ADGRB1: variants seen among roughly 807,000 people sequenced by gnomAD.
The protein encoded by ADGRB1 is adhesion G protein-coupled receptor B1.
ADGRB1 carries 36 observed loss-of-function variants against 175.7 expected under a neutral mutation model. That is an observed-to-expected ratio of 0.20 (90% CI 0.16 to 0.27). The LOEUF is 0.27. Among genes scored for constraint, ADGRB1 ranks in the 10% least tolerant of loss-of-function variants. ADGRB1 has a pLI of 1.00. For synonymous variants in ADGRB1, 1,054 were observed against 979.4 expected (o/e 1.08, Z -1.42); for missense variants, 1,731 against 2,255.3 (o/e 0.77, Z 4.71).
chr8:142,543,716 G>A lies in ADGRB1; in HGVS notation c.4557+8G>A. ...CTGGGGCCGGACAGCAAGGTCTGGA[G>A]GGCAGGGAGGGGCGGGGTGGGGAGA... On this transcript the variant is annotated splice_region_variant and intron_variant, in intron 30 of 30. Coordinates refer to ENST00000517894, the MANE Select transcript of ADGRB1 (RefSeq NM_001702.3). The surrounding 1 kb of genome is among the most constrained non-coding windows in gnomAD (Gnocchi z 4.4). 6.5e-7 allele frequency: 1 copy of A among 1,549,016 alleles called. No homozygotes were observed. Among genetic ancestry groups the A allele is most frequent in the Non-Finnish European group, 8.7e-7 (1 of 1,144,748 alleles).
chr8:142,459,448 T>TG (rs1587244467), intron 1 of ADGRB1, among the ~76,000 whole-genome samples: 2 of 152,200 alleles, frequency 1.3e-5, no homozygotes, highest in Admixed American at 6.5e-5. Flanking sequence ...GTGGAGCCAT[T>TG]GTTGGCTCAG....
chr8:142,485,770 C>G (rs1361359129), intron 13 of ADGRB1, among the ~76,000 whole-genome samples: 1 of 152,210 alleles, frequency 6.6e-6, no homozygotes, highest in African/African-American at 2.4e-5. Flanking sequence ...CCGTGGTTAC[C>G]CCACATGCTT....
At position 142,464,691 on chromosome 8, in the gene ADGRB1, C is replaced by G; in HGVS notation, c.493C>G (p.Pro165Ala). ...GLRPRAGPPG[P>A]TDDFSVEYLV... ...CCGGCCCCGGGCCGGGCCGCCGGGC[C>G]CCACCGACGACTTCTCCGTGGAGTA... Residue 165 changes from proline (P) to alanine (A), a missense_variant, in exon 2 of 31, where the codon CCC becomes GCC. Coordinates refer to ENST00000517894, the MANE Select transcript of ADGRB1 (RefSeq NM_001702.3). 1 of 1,528,124 alleles carries G rather than the reference C, an allele frequency of 6.5e-7. No homozygotes were observed. The highest frequency in any genetic ancestry group is 2.5e-5 in the East Asian group (1 of 40,164). The allele number at this position is 1,528,124 out of a possible 1,614,324, so 94.7% of individuals were successfully genotyped here. A position where few individuals can be genotyped will look rare whatever the true frequency, so the allele number is the denominator to read the frequency against.
At chr8:142,525,177 G>T in intron 23 of ADGRB1, among the ~76,000 whole-genome samples, 1 of 152,008 alleles carries the variant, frequency 6.6e-6, no homozygotes, top group South Asian at 2.1e-4. Context: ...CCTACTGGGG[G>T]TTGGAGGGGC....
At position 142,453,042 on chromosome 8, in the gene ADGRB1, C is replaced by CCGCTCGCT. The variant is rs528898967; in HGVS notation, c.-220+2950_-220+2957dup. ...ACCTCCCTCCCGCCCGCCCGCCCGC[C>CCGCTCGCT]CGCTCGCTCGCTCGCTCGCCGTCCG... On this transcript the variant is annotated intron_variant, in intron 1 of 30. Coordinates refer to ENST00000517894, the MANE Select transcript of ADGRB1 (RefSeq NM_001702.3). Among the ~76,000 whole-genome samples the CCGCTCGCT allele has an allele frequency of 4.2e-5, 6 of 142,382 alleles. No homozygotes were observed. In the East Asian group the frequency reaches 6.4e-4, roughly 15 times the overall value. 93.4% of individuals were successfully genotyped at this position (142,382 alleles called of 152,430 possible). A position where few individuals can be genotyped will look rare whatever the true frequency, so the allele number is the denominator to read the frequency against.
rs1308676245 is a variant in ADGRB1 at position 142,490,811 on chromosome 8, G to A, written c.2671G>A (p.Asp891Asn). 13 of 1,583,094 alleles carry A rather than the reference G, an allele frequency of 8.2e-6. No individual in the cohort carries two copies. In the South Asian group the frequency reaches 1.4e-4, roughly 17 times the overall value. ...GACCTGTATCCTGTGGGATGAGACG[G>A]ATGTGTAAGTTCACTTGGATTTCAT... ...NQTCILWDET[D>N]VPSSSAPPQL... The change falls in exon 17 of 31, where the codon GAT (aspartate) becomes AAT (asparagine). Residue 891 changes from aspartate (D) to asparagine (N), a missense_variant. This residue lies in a region of ADGRB1 where 77 missense variants were observed against 71.6 expected (regional missense o/e 1.08). Coordinates refer to ENST00000517894, the MANE Select transcript of ADGRB1 (RefSeq NM_001702.3).
intron 24 of ADGRB1, 40 bp downstream of exon 24, chr8:142,526,667 G>A (rs767695129): frequency 1.9e-6 from 3 of 1,571,986 alleles, no homozygotes; most frequent in African/African-American, 1.3e-5. Flanking sequence ...CACCCGGAGT[G>A]CAAGACCCAG....
chr8:142,519,628 T>C (rs1418478258), intron 19 of ADGRB1, among the ~76,000 whole-genome samples: 1 of 151,204 alleles, frequency 6.6e-6, no homozygotes, highest in African/African-American at 2.4e-5. Context: ...GTGATGGTGG[T>C]GGTGGTGCTG....
Position 142,481,599 on chromosome 8 carries a change from C to G in ADGRB1, c.2018C>G (p.Ser673Cys). 6.2e-7 allele frequency: 1 copy of G among 1,603,996 alleles called. No individual in the cohort carries two copies. The highest frequency in any genetic ancestry group is 8.5e-7 in the Non-Finnish European group (1 of 1,175,488). The stretch of plus-strand genomic sequence containing the variant: ...GTCATCCAGACACTGGTGGAGATCT[C>G]TCAGGACGGGACCAGCTACAGTGGG... ...SEVIQTLVEI[S>C]QDGTSYSGDL... Residue 673 changes from serine (S) to cysteine (C), a missense_variant, in exon 11 of 31, where the codon TCT becomes TGT. Coordinates refer to ENST00000517894, the MANE Select transcript of ADGRB1 (RefSeq NM_001702.3).
intron 12 of ADGRB1, 46 bp from the exon 13 acceptor site, chr8:142,484,610 G>A: frequency 6.5e-7 from 1 of 1,541,490 alleles, no homozygotes; most frequent in Non-Finnish European, 8.8e-7. Flanking sequence ...GGGGCTAAGG[G>A]ACAGTGGGGC....
intron 14 of ADGRB1, 98 bp downstream of exon 14, chr8:142,488,605 G>A: frequency 1.3e-6 from 2 of 1,490,480 alleles, no homozygotes; most frequent in Non-Finnish European, 1.8e-6. Context: ...CTGCCTCAGA[G>A]TTGGGCGGTT....
chr8:142,453,221 G>T (rs897200635), intron 1 of ADGRB1, among the ~76,000 whole-genome samples: 3 of 152,190 alleles, frequency 2.0e-5, no homozygotes, highest in African/African-American at 7.2e-5. Flanking sequence ...GCCCGTCCGG[G>T]AGGCTGGGGG....
At chr8:142,507,016 GC>G (rs1340767435) in intron 17 of ADGRB1, among the ~76,000 whole-genome samples, 1 of 152,208 alleles carries the variant, frequency 6.6e-6, no homozygotes, top group African/African-American at 2.4e-5. Context: ...GTGGGAGGGG[GC>G]AGGCAGCCAG....
intron 14 of ADGRB1, 51 bp from the exon 15 acceptor site, chr8:142,488,984 A>G: frequency 1.3e-6 from 2 of 1,587,896 alleles, no homozygotes; most frequent in African/African-American, 1.3e-5. Context: ...GCCAAGTCCC[A>G]CCCTGGCTGT....
At chr8:142,461,435 C>G (rs986224674) in intron 1 of ADGRB1, among the ~76,000 whole-genome samples, 2 of 152,234 alleles carry the variant, frequency 1.3e-5, no homozygotes, top group Non-Finnish European at 2.9e-5. Context: ...CACGGCGTTG[C>G]GGACACCAGC....
chr8:142,457,746 G>A (rs184424262), intron 1 of ADGRB1, among the ~76,000 whole-genome samples: 5 of 152,266 alleles, frequency 3.3e-5, no homozygotes, highest in African/African-American at 9.6e-5. Flanking sequence ...AGGCTATCTC[G>A]GCACCCCCTC....
chr8:142,464,095 C>T lies in ADGRB1; in HGVS notation c.-104C>T, dbSNP rs892879022. On this transcript the variant is annotated 5_prime_UTR_variant, in exon 2 of 31. Coordinates refer to ENST00000517894, the MANE Select transcript of ADGRB1 (RefSeq NM_001702.3). ...ATCCCACCCTTGCCCCGCCTCCCTG[C>T]CCCCACCGGGCCGGCCCTGCCCGCC... The T allele has an allele frequency of 2.5e-6, 2 of 787,190 alleles. No homozygotes were observed. The highest frequency in any genetic ancestry group is 3.3e-6 in the Non-Finnish European group (2 of 606,110). The allele number at this position is 787,190 out of a possible 1,614,324, so 48.8% of individuals were successfully genotyped here.
Position 142,543,696 on chromosome 8 carries a change from G to A in ADGRB1, c.4545G>A (p.Gly1515=), listed in dbSNP as rs1446576958. The change falls in exon 30 of 31, where the codon GGG becomes GGA. Residue 1515 remains glycine (G), a synonymous_variant. Coordinates refer to ENST00000517894, the MANE Select transcript of ADGRB1 (RefSeq NM_001702.3). This position sits in a 1 kb window ranked among gnomAD's most constrained non-coding sequence, Gnocchi z 4.4. ...CGGAGAAGGACAAGGAGGTGCTGGG[G>A]CCGGACAGCAAGGTCTGGAGGGCAG... The part of the protein sequence containing the change: ...HAAEKDKEVL[G]PDSKPEKQQT... 2 of 1,541,118 alleles carry A rather than the reference G, an allele frequency of 1.3e-6. No homozygotes were observed. The highest frequency in any genetic ancestry group is 1.8e-6 in the Non-Finnish European group (2 of 1,139,634).
Position 142,544,311 on chromosome 8 carries a change from C to G in ADGRB1, c.4649C>G (p.Pro1550Arg). 1.3e-6 allele frequency: 2 copies of G among 1,549,008 alleles called. No individual in the cohort carries two copies. Among genetic ancestry groups the G allele is most frequent in the Non-Finnish European group, 1.7e-6 (2 of 1,146,426 alleles). Residue 1550 changes from proline to arginine, a missense_variant, in exon 31 of 31, where the codon CCG (proline) becomes CGG (arginine). Coordinates refer to ENST00000517894, the MANE Select transcript of ADGRB1 (RefSeq NM_001702.3). ...ACGTGGGTGAAGAAGGAGCTGGAGC[C>G]GCTGCAGCCGTCGCCGCTGGAGCTT... ...TPTWVKKELE[P>R]LQPSPLELRS...
Sources: gnomAD v4.1 joint callset for allele counts (sites outside exome capture counted in the v4.1 genomes callset) on GRCh38, gnomAD v4.1.1 for gene constraint, gnomAD v4.1.1 regional missense constraint, Gnocchi (gnomAD v3.1) non-coding constraint, MANE v1.5 for transcripts, NCBI Gene and HGNC (gene_info 2026-07-23, HGNC 2026-07-21) for gene names.